Variants in PHEX observed in about 807,000 individuals in gnomAD.
PHEX encodes phosphate regulating endopeptidase X-linked.
In PHEX, 16 loss-of-function variants were observed where a neutral mutation model predicts 68.0. That is an observed-to-expected ratio of 0.24 (90% CI 0.16 to 0.36). PHEX has a LOEUF of 0.36. PHEX is among the 10% of genes least tolerant of loss of function. PHEX has a pLI of 1.00. For missense variants in PHEX, 480 were observed against 575.5 expected, an observed-to-expected ratio of 0.83 and a Z score of 1.70; for synonymous variants, 208 against 205.1, an observed-to-expected ratio of 1.01 and a Z score of -0.12.
chrX:22,243,680 C>T (rs1372125923), intron 20 of PHEX, among the ~76,000 whole-genome samples: 2 of 112,461 alleles, frequency 1.8e-5, no homozygotes, highest in Non-Finnish European at 3.8e-5. Flanking sequence ...ATGAAAAATG[C>T]TCATTTTCAC....
intron 18 of PHEX, among the ~76,000 whole-genome samples, chrX:22,225,118 T>A (rs763600935): frequency 3.6e-4 from 38 of 106,673 alleles, no homozygotes; most frequent in African/African-American, 1.2e-3. Flanking sequence ...GCTGCCCACA[T>A]TCCTTAGCTC....
chrX:22,109,866 A>T (rs1930878650), intron 9 of PHEX, among the ~76,000 whole-genome samples: 1 of 112,197 alleles, frequency 8.9e-6, no homozygotes, highest in South Asian at 3.7e-4. Context: ...TTGTTCATAC[A>T]TTTGGAAGTG....
intron 12 of PHEX, among the ~76,000 whole-genome samples, chrX:22,147,374 G>A (rs1307344444): frequency 9.0e-6 from 1 of 110,789 alleles, no homozygotes; most frequent in East Asian, 2.8e-4. Context: ...GTCTGCTTTG[G>A]TGCTGTCTCT....
chrX:22,145,330 G>T (rs768567333), intron 12 of PHEX, among the ~76,000 whole-genome samples: 1 of 112,105 alleles, frequency 8.9e-6, no homozygotes, highest in African/African-American at 3.2e-5. Context: ...CCCAGGAGGG[G>T]CCCGGCGCAG....
chrX:22,120,611 G>C (rs1266885334), intron 11 of PHEX, among the ~76,000 whole-genome samples: 2 of 111,340 alleles, frequency 1.8e-5, no homozygotes, highest in African/African-American at 6.5e-5. Context: ...ATTCTCAGGA[G>C]AAAGACGGAA....
rs1212310085 is a variant in PHEX, at chrX:22,248,047, C to T, written c.*94C>T. ...TCGCCCATTGCTTTAGGCCTGGAGA[C>T]TTTCATTTTTAGTGCATTTTCATTA... is the stretch of plus-strand genomic sequence containing the variant. On this transcript the variant is annotated 3_prime_UTR_variant, in exon 22 of 22. Coordinates refer to ENST00000379374, the MANE Select transcript of PHEX (RefSeq NM_000444.6). 6 of 628,572 alleles carry T rather than the reference C, an allele frequency of 9.5e-6. No individual in the cohort carries two copies. Among genetic ancestry groups the T allele is most frequent in the Non-Finnish European group, 1.6e-5 (6 of 372,655 alleles). 51.8% of individuals were successfully genotyped at this position (628,572 alleles called of 1,213,427 possible). A position where few individuals can be genotyped will look rare whatever the true frequency, so the allele number is the denominator to read the frequency against.
intron 16 of PHEX, among the ~76,000 whole-genome samples, chrX:22,216,152 T>TTCCTC (rs1935079847): frequency 8.9e-6 from 1 of 111,957 alleles, no homozygotes; most frequent in African/African-American, 3.2e-5. Flanking sequence ...AGGGGGCCCA[T>TTCCTC]TCCTCTAGTA....
intron 10 of PHEX, among the ~76,000 whole-genome samples, chrX:22,111,937 T>G (rs1004699337): frequency 5.3e-5 from 6 of 112,187 alleles, no homozygotes; most frequent in African/African-American, 1.9e-4. Flanking sequence ...CTATCTTTTA[T>G]TCTCAGTATT....
At chrX:22,046,949 G>A in intron 2 of PHEX, 101 bp from the exon 3 acceptor site, 1 of 703,408 alleles carries the variant, frequency 1.4e-6, no homozygotes, top group East Asian at 3.2e-5. Flanking sequence ...AAATGCCAAG[G>A]CTTGGAAACT....
intron 15 of PHEX, among the ~76,000 whole-genome samples, chrX:22,200,970 G>T (rs1485266404): frequency 9.0e-6 from 1 of 111,610 alleles, no homozygotes; most frequent in Non-Finnish European, 1.9e-5. Flanking sequence ...TTAGCTTATG[G>T]GAAGAGTGGA....
chrX:22,048,601 T>C (rs1231453791), intron 3 of PHEX, among the ~76,000 whole-genome samples: 1 of 111,951 alleles, frequency 8.9e-6, no homozygotes, highest in African/African-American at 3.2e-5. Context: ...GATTTCTATA[T>C]TCAGGACATG....
chrX:22,125,657 G>A, intron 11 of PHEX, among the ~76,000 whole-genome samples: 1 of 111,664 alleles, frequency 9.0e-6, no homozygotes, highest in Non-Finnish European at 1.9e-5. Flanking sequence ...GTGTTTGGTA[G>A]TAGGCTACAG....
chrX:22,232,228 G>A (rs937992580), intron 20 of PHEX, among the ~76,000 whole-genome samples: 19 of 111,702 alleles, frequency 1.7e-4, no homozygotes, highest in African/African-American at 6.2e-4. Context: ...GCGATGAGGT[G>A]CTGAGAATAT....
chrX:22,057,520 G>A (rs1010880543), intron 3 of PHEX, among the ~76,000 whole-genome samples: 5 of 110,528 alleles, frequency 4.5e-5, no homozygotes, highest in African/African-American at 6.6e-5. Flanking sequence ...GAGCTGGGGA[G>A]GCCAAGGTTG....
intron 12 of PHEX, among the ~76,000 whole-genome samples, chrX:22,161,598 T>G (rs756797900): frequency 8.9e-6 from 1 of 112,435 alleles, no homozygotes; most frequent in East Asian, 2.8e-4. Flanking sequence ...AATTATTCAT[T>G]ATATGAATTA....
intron 3 of PHEX, among the ~76,000 whole-genome samples, chrX:22,062,299 C>T (rs749881584): frequency 9.0e-6 from 1 of 111,338 alleles, no homozygotes; most frequent in Non-Finnish European, 1.9e-5. Flanking sequence ...AAGATACCTT[C>T]CAGAGTAGTA....
chrX:22,222,908 G>A (rs916102283), intron 18 of PHEX, among the ~76,000 whole-genome samples: 3 of 111,772 alleles, frequency 2.7e-5, no homozygotes, highest in African/African-American at 6.5e-5. Flanking sequence ...AAGTCTGTAC[G>A]ACTCCAAAGT....
At chrX:22,115,993 G>C (rs1364996860) in intron 11 of PHEX, among the ~76,000 whole-genome samples, 1 of 112,444 alleles carries the variant, frequency 8.9e-6, no homozygotes, top group Non-Finnish European at 1.9e-5. Context: ...TGGCTGGATT[G>C]AATGGTAGTC....
chrX:22,211,727 C>T (rs1277029338), intron 15 of PHEX, among the ~76,000 whole-genome samples: 1 of 112,155 alleles, frequency 8.9e-6, no homozygotes, highest in African/African-American at 3.2e-5. Context: ...AAAGACATAC[C>T]TGAGACTGGG....
Sources: allele counts gnomAD v4.1 joint callset (sites outside exome capture counted in the v4.1 genomes callset), GRCh38; gene constraint gnomAD v4.1.1; transcripts MANE v1.5; gene names NCBI Gene and HGNC (gene_info 2026-07-23, HGNC 2026-07-21).